Variants in CDC42BPA observed in about 807,000 individuals in gnomAD.
CDC42BPA encodes CDC42 binding protein kinase alpha.
A neutral mutation model predicts 223.5 loss-of-function variants in CDC42BPA; 80 were observed. The ratio of observed to expected loss-of-function variants is 0.36; its 90% CI spans 0.30 to 0.43. The LOEUF (loss-of-function observed/expected upper bound fraction) is 0.43, where lower values mean the gene tolerates loss of function less well. CDC42BPA is among the 20% of genes least tolerant of loss of function. The pLI is 1.00. For missense variants in CDC42BPA, 1,743 were observed against 2,099.9 expected, an observed-to-expected ratio of 0.83 and a Z score of 3.32; for synonymous variants, 694 against 718.6, an observed-to-expected ratio of 0.97 and a Z score of 0.55.
intron 21 of CDC42BPA, chr1:227,059,237 G>GAGCAGC (rs1675264676): frequency 1.4e-6 from 1 of 713,658 alleles, no homozygotes. Context: ...GCAACAGCAG[G>GAGCAGC]AGCAGCAGCA....
chr1:227,142,883 G>A (rs924902213), intron 9 of CDC42BPA, 62 bp downstream of exon 9: 1 of 1,129,836 alleles, frequency 8.9e-7, no homozygotes, highest in Admixed American at 2.7e-5. Context: ...CTCCCAAAGT[G>A]TTGGGATTAC....
At chr1:227,081,135 T>C (rs12047828) in intron 16 of CDC42BPA, 118 bp from the exon 17 acceptor site, 186,371 of 926,652 alleles carry the variant, frequency 0.2, 19,422 homozygotes, top group East Asian at 0.27. Context: ...TGTCTTATTA[T>C]AATAATCCCT....
intron 7 of CDC42BPA, among the ~76,000 whole-genome samples, chr1:227,146,999 T>C (rs1660821428): frequency 6.6e-6 from 1 of 152,206 alleles, no homozygotes; most frequent in Non-Finnish European, 1.5e-5. Context: ...TCATCCTTAT[T>C]TTAAATTTGT....
intron 2 of CDC42BPA, among the ~76,000 whole-genome samples, chr1:227,253,276 G>A (rs79808012): frequency 0.098 from 14,877 of 152,168 alleles, 1,173 homozygotes; most frequent in East Asian, 0.36. Context: ...GAGCGCGCGC[G>A]CGTGCGCGTG....
chr1:227,137,721 T>G (rs528781595), intron 10 of CDC42BPA, among the ~76,000 whole-genome samples: 2 of 148,200 alleles, frequency 1.3e-5, no homozygotes, highest in Admixed American at 6.7e-5. Flanking sequence ...AAAACATGGG[T>G]GAATTTCAAA....
chr1:227,105,766 T>C lies in CDC42BPA; in HGVS notation c.2002-4527A>G, dbSNP rs1157568354. Among the ~76,000 whole-genome samples the C allele has an allele frequency of 2.6e-5, 4 of 152,236 alleles. No individual in the cohort carries two copies. In the East Asian group the frequency reaches 5.8e-4, roughly 22 times the overall value. On this transcript the variant is annotated intron_variant, in intron 14 of 36. Coordinates refer to ENST00000366766, the MANE Select transcript of CDC42BPA (RefSeq NM_001394014.1). ...TTCGAGATTTAGCCATGTTGTAGCATGTATCATGACTTCATTCCTTTTCAT... is the reference window on the plus strand; with the variant it reads ...TTCGAGATTTAGCCATGTTGTAGCACGTATCATGACTTCATTCCTTTTCAT...
intron 1 of CDC42BPA, among the ~76,000 whole-genome samples, chr1:227,315,434 A>C (rs1694216613): frequency 6.6e-6 from 1 of 152,110 alleles, no homozygotes; most frequent in Admixed American, 6.5e-5. Context: ...AATTATATTT[A>C]CTACTGGTAC....
intron 2 of CDC42BPA, among the ~76,000 whole-genome samples, chr1:227,233,309 T>A (rs536208801): frequency 6.6e-6 from 1 of 152,296 alleles, no homozygotes; most frequent in Admixed American, 6.5e-5. Flanking sequence ...AGTGCTAGGA[T>A]TACAGGCATG....
In CDC42BPA at chr1:227,214,290, A is replaced by C. The variant is rs115697736; in HGVS notation, c.271-1071T>G. ...TTATATTTGGATCAGACTGCAATAA[A>C]AGTAACATGACCATATAATTACAGT... On this transcript the variant is annotated intron_variant, in intron 2 of 36. Transcript: ENST00000366766. 5.0e-3 allele frequency among the ~76,000 whole-genome samples: 759 copies of C among 152,320 alleles called. 5 individuals carry two copies. Among genetic ancestry groups the C allele is most frequent in the African/African-American group, 0.017 (709 of 41,586 alleles).
At chr1:227,133,628 C>A (rs534286552) in intron 10 of CDC42BPA, among the ~76,000 whole-genome samples, 144 of 152,294 alleles carry the variant, frequency 9.5e-4, no homozygotes, top group Admixed American at 3.2e-3. Flanking sequence ...AAGAAAAATT[C>A]TTCTGCCTTG....
chr1:227,105,481 G>A (rs769388705), intron 14 of CDC42BPA, among the ~76,000 whole-genome samples: 1 of 149,842 alleles, frequency 6.7e-6, no homozygotes, highest in African/African-American at 2.5e-5. Context: ...AGCCTCCTGA[G>A]TAGCTGGGAC....
Position 227,032,745 on chromosome 1 carries a change from G to A in CDC42BPA, c.3558+589C>T, listed in dbSNP as rs1335651997. ...CTACCTGACGACCAGAGACCACATG[G>A]AGGGAGTTCACAAAGAGGAGAACTG... On this transcript the variant is annotated intron_variant, in intron 27 of 36. Coordinates refer to ENST00000366766, the MANE Select transcript of CDC42BPA (RefSeq NM_001394014.1). Among the ~76,000 whole-genome samples the A allele has an allele frequency of 2.6e-5, 4 of 152,256 alleles. No individual in the cohort carries two copies. The South Asian group carries it at 8.3e-4, about 32-fold the overall frequency.
At chr1:227,195,314 T>C (rs6662266) in intron 4 of CDC42BPA, among the ~76,000 whole-genome samples, 137,203 of 152,088 alleles carry the variant, frequency 0.9, 62,331 homozygotes, top group Middle Eastern at 0.96. Flanking sequence ...ATGCCTCAGC[T>C]TCCCAAGTAG....
intron 5 of CDC42BPA, among the ~76,000 whole-genome samples, chr1:227,167,354 A>C (rs978267403): frequency 6.6e-6 from 1 of 152,188 alleles, no homozygotes; most frequent in Non-Finnish European, 1.5e-5. Flanking sequence ...TTATGCAGAA[A>C]ATACTCTTTA....
intron 1 of CDC42BPA, among the ~76,000 whole-genome samples, chr1:227,306,879 T>C (rs1158415114): frequency 6.6e-6 from 1 of 152,224 alleles, no homozygotes; most frequent in African/African-American, 2.4e-5. Flanking sequence ...GTGCTTTTAA[T>C]AGTATCTGAG....
At chr1:227,271,788 A>G (rs116233697) in intron 1 of CDC42BPA, among the ~76,000 whole-genome samples, 1 of 152,160 alleles carries the variant, frequency 6.6e-6, no homozygotes, top group South Asian at 2.1e-4. Flanking sequence ...TAGAAATGGG[A>G]AACATTCTGG....
At chr1:227,105,164 T>G (rs190805572) in intron 14 of CDC42BPA, among the ~76,000 whole-genome samples, 291 of 152,218 alleles carry the variant, frequency 1.9e-3, no homozygotes, top group African/African-American at 6.3e-3. Flanking sequence ...TTTTAACCAT[T>G]CTACATGCAC....
At chr1:227,264,875 G>A (rs1684713520) in intron 1 of CDC42BPA, 1 of 1,525,990 alleles carries the variant, frequency 6.6e-7, no homozygotes, top group Non-Finnish European at 9.1e-7. Context: ...TGGACCTGAA[G>A]AATTTTTCAA....
chr1:227,257,507 T>C (rs748215639), intron 1 of CDC42BPA, among the ~76,000 whole-genome samples: 1 of 150,728 alleles, frequency 6.6e-6, no homozygotes, highest in Non-Finnish European at 1.5e-5. Flanking sequence ...CCCAGCACTG[T>C]AGGAAGCCAA....
Sources: gnomAD v4.1 joint callset for allele counts (sites outside exome capture counted in the v4.1 genomes callset) on GRCh38, gnomAD v4.1.1 for gene constraint, MANE v1.5 for transcripts, NCBI Gene and HGNC (gene_info 2026-07-23, HGNC 2026-07-21) for gene names.